Variants in ITPK1 observed in about 807,000 individuals in gnomAD.
ITPK1 encodes inositol-tetrakisphosphate 1-kinase.
In ITPK1, 21 loss-of-function variants were observed where a neutral mutation model predicts 45.3. That is an observed-to-expected ratio of 0.46 (90% CI 0.33 to 0.67). ITPK1 has a LOEUF of 0.67. ITPK1 is among the 30% of genes least tolerant of loss of function. The pLI is 0.02. For missense variants in ITPK1, 474 were observed against 573.5 expected, an observed-to-expected ratio of 0.83 and a Z score of 1.77; for synonymous variants, 258 against 253.6, an observed-to-expected ratio of 1.02 and a Z score of -0.16.
chr14:93,108,029 C>A (rs527856727), intron 2 of ITPK1, among the ~76,000 whole-genome samples: 10 of 152,138 alleles, frequency 6.6e-5, no homozygotes, highest in Admixed American at 6.5e-4. Flanking sequence ...CGGCTTGGAG[C>A]GAGGCAAGTT....
intron 3 of ITPK1, among the ~76,000 whole-genome samples, chr14:93,057,056 C>A (rs1163926231): frequency 6.6e-6 from 1 of 152,164 alleles, no homozygotes; most frequent in Non-Finnish European, 1.5e-5. Context: ...GCCTGGCTCA[C>A]CCTCTGGGTG....
intron 4 of ITPK1, among the ~76,000 whole-genome samples, chr14:92,998,276 C>G (rs1343505571): frequency 1.3e-5 from 2 of 152,168 alleles, no homozygotes; most frequent in African/African-American, 4.8e-5. Context: ...AAACCTGACG[C>G]AAGGTTTCTG....
chr14:92,972,981 C>T (rs1214908515), intron 5 of ITPK1, among the ~76,000 whole-genome samples: 2 of 152,184 alleles, frequency 1.3e-5, no homozygotes, highest in South Asian at 2.1e-4. Context: ...GGATGGTCCC[C>T]GTTCCATGCC....
chr14:93,051,748 T>A (rs1251124678), intron 3 of ITPK1, among the ~76,000 whole-genome samples: 1 of 152,168 alleles, frequency 6.6e-6, no homozygotes, highest in Non-Finnish European at 1.5e-5. Context: ...GCCAATTCAA[T>A]GAGACCGGAA....
intron 3 of ITPK1, among the ~76,000 whole-genome samples, chr14:93,030,940 G>A (rs193102701): frequency 2.6e-5 from 4 of 152,248 alleles, no homozygotes; most frequent in Admixed American, 2.0e-4. Context: ...AGATGAGGGC[G>A]GTACTTCTAC....
intron 5 of ITPK1, among the ~76,000 whole-genome samples, chr14:92,964,714 G>T (rs537405514): frequency 1.7e-4 from 26 of 152,288 alleles, no homozygotes; most frequent in Admixed American, 7.2e-4. Flanking sequence ...GGTCAAACAG[G>T]CCACCTCCTG....
At chr14:92,986,701 G>C (rs1389355584) in intron 5 of ITPK1, among the ~76,000 whole-genome samples, 1 of 152,154 alleles carries the variant, frequency 6.6e-6, no homozygotes, top group African/African-American at 2.4e-5. Flanking sequence ...GGGCCTTCTT[G>C]TTTTGCTGGG....
rs2139952940 is a variant in ITPK1, at chr14:93,061,603, A to G, written c.120+14992T>C. Among the ~76,000 whole-genome samples, 3 of 152,316 alleles carry G rather than the reference A, an allele frequency of 2.0e-5. No individual in the cohort carries two copies. In the South Asian group the frequency reaches 6.2e-4, roughly 32 times the overall value. ...CACAGCATTCAAATCTAGAAGCACA[A>G]ACTCCCACAAGACCTTCCCTTTCTG... On this transcript the variant is annotated intron_variant, in intron 3 of 10. Transcript: ENST00000267615.
At chr14:93,064,956 C>G (rs1595182279) in intron 3 of ITPK1, among the ~76,000 whole-genome samples, 1 of 152,186 alleles carries the variant, frequency 6.6e-6, no homozygotes, top group South Asian at 2.1e-4. Flanking sequence ...TCCCTGGGAC[C>G]TCCCCTGCCC....
rs762251575 is a variant in ITPK1 at position 92,993,875 on chromosome 14, C to G, written c.364+5G>C. On this transcript the variant is annotated splice_donor_5th_base_variant and intron_variant, in intron 5 of 10. Transcript: ENST00000267615. Reference sequence around the variant, plus strand: ...CCACGGATGTGGTGCCACACGTGTCCCTACCTTCCATGTAGGCCTCAATCT... The same window carrying G: ...CCACGGATGTGGTGCCACACGTGTCGCTACCTTCCATGTAGGCCTCAATCT... 2.5e-6 allele frequency: 4 copies of G among 1,582,428 alleles called. No individual in the cohort carries two copies. The highest frequency in any genetic ancestry group is 3.5e-6 in the Non-Finnish European group (4 of 1,151,106).
At chr14:92,990,244 G>A (rs1245479334) in intron 5 of ITPK1, among the ~76,000 whole-genome samples, 1 of 152,118 alleles carries the variant, frequency 6.6e-6, no homozygotes, top group Admixed American at 6.5e-5. Context: ...CTCCTTAAAA[G>A]AGAACTAGGC....
intron 4 of ITPK1, among the ~76,000 whole-genome samples, chr14:93,006,168 C>G (rs373087378): frequency 5.9e-5 from 9 of 152,196 alleles, no homozygotes; most frequent in Non-Finnish European, 1.2e-4. Flanking sequence ...GCAAGCCACA[C>G]TTAGGATCCA....
Position 93,063,818 on chromosome 14 carries a change from C to G in ITPK1, c.120+12777G>C, listed in dbSNP as rs556617367. Among the ~76,000 whole-genome samples the G allele has an allele frequency of 2.6e-5, 4 of 152,312 alleles. No individual in the cohort carries two copies. In the South Asian group the frequency reaches 6.2e-4, roughly 24 times the overall value. On this transcript the variant is annotated intron_variant, in intron 3 of 10. Transcript: ENST00000267615. The surrounding 1 kb of genome is among the most constrained non-coding windows in gnomAD (Gnocchi z 4.3). ...CTGGCAAGTGGGGCACTAACCCTGGCACTCAGTAGACGAGGCACACACAGG... is the reference window on the plus strand; with the variant it reads ...CTGGCAAGTGGGGCACTAACCCTGGGACTCAGTAGACGAGGCACACACAGG...
At chr14:92,974,701 C>A (rs1311706056) in intron 5 of ITPK1, among the ~76,000 whole-genome samples, 1 of 152,254 alleles carries the variant, frequency 6.6e-6, no homozygotes, top group Non-Finnish European at 1.5e-5. Context: ...AGAGAAGGCA[C>A]TTCCCGTGCT....
intron 4 of ITPK1, among the ~76,000 whole-genome samples, chr14:93,002,656 A>G (rs892671950): frequency 6.6e-6 from 1 of 152,204 alleles, no homozygotes; most frequent in Non-Finnish European, 1.5e-5. Context: ...TGCATGAGGT[A>G]GAGCATCCAA....
Position 92,958,475 on chromosome 14 carries a change from T to G in ITPK1, c.505-109A>C. ...CACCTCCACCAAGGCCCATCCCTGG[T>G]CCTGTGGCATGAGGACTCCCCTAGA... On this transcript the variant is annotated intron_variant, in intron 7 of 10. Transcript: ENST00000267615. This position sits in a 1 kb window ranked among gnomAD's most constrained non-coding sequence, Gnocchi z 4.4. 1 of 1,076,080 alleles carries G rather than the reference T, an allele frequency of 9.3e-7. No individual in the cohort carries two copies. The highest frequency in any genetic ancestry group is 2.5e-5 in the East Asian group (1 of 39,768). The allele number at this position is 1,076,080 out of a possible 1,614,324, so 66.7% of individuals were successfully genotyped here. A position where few individuals can be genotyped will look rare whatever the true frequency, so the allele number is the denominator to read the frequency against.
At chr14:92,988,498 G>A (rs1260802243) in intron 5 of ITPK1, among the ~76,000 whole-genome samples, 1 of 152,168 alleles carries the variant, frequency 6.6e-6, no homozygotes, top group Non-Finnish European at 1.5e-5. Context: ...ATCATTTCCT[G>A]GACCCCAGAG....
Position 93,016,583 on chromosome 14 carries a change from T to C in ITPK1, c.246+93A>G. ...TCTCCAGACTATACCTCCAGAGAGCTGCTACCGCCCTAAATACACACACGG... is the reference window on the plus strand; with the variant it reads ...TCTCCAGACTATACCTCCAGAGAGCCGCTACCGCCCTAAATACACACACGG... On this transcript the variant is annotated intron_variant, in intron 4 of 10. Coordinates refer to ENST00000267615, the MANE Select transcript of ITPK1 (RefSeq NM_014216.6). The surrounding 1 kb of genome is among the most constrained non-coding windows in gnomAD (Gnocchi z 5.0). 7.1e-7 allele frequency: 1 copy of C among 1,412,752 alleles called. No individual in the cohort carries two copies. The highest frequency in any genetic ancestry group is 1.8e-5 in the Admixed American group (1 of 54,858). 87.5% of individuals were successfully genotyped at this position (1,412,752 alleles called of 1,614,324 possible).
intron 2 of ITPK1, among the ~76,000 whole-genome samples, chr14:93,078,886 G>A (rs1255647429): frequency 6.6e-6 from 1 of 152,110 alleles, no homozygotes; most frequent in Non-Finnish European, 1.5e-5. Context: ...AAACTCCAGC[G>A]GCCCTGCTCC....
Sources: gnomAD v4.1 joint callset for allele counts (sites outside exome capture counted in the v4.1 genomes callset) on GRCh38, gnomAD v4.1.1 for gene constraint, Gnocchi (gnomAD v3.1) non-coding constraint, MANE v1.5 for transcripts, NCBI Gene and HGNC (gene_info 2026-07-23, HGNC 2026-07-21) for gene names.